Variants in APAF1 observed in about 807,000 individuals in gnomAD.
APAF1 encodes the protein apoptotic peptidase activating factor 1, also known as apoptotic protease-activating factor 1.
APAF1 carries 91 observed loss-of-function variants against 152.4 expected under a neutral mutation model. The ratio of observed to expected loss-of-function variants is 0.60; its 90% CI spans 0.50 to 0.71. The LOEUF (loss-of-function observed/expected upper bound fraction) is 0.71, where lower values mean the gene tolerates loss of function less well. Among genes scored for constraint, APAF1 ranks in the 30% least tolerant of loss-of-function variants. The pLI is 0.00. For missense variants in APAF1, 1,283 were observed against 1,472.0 expected, an observed-to-expected ratio of 0.87 and a Z score of 2.10; for synonymous variants, 484 against 494.1, an observed-to-expected ratio of 0.98 and a Z score of 0.27.
At position 98,666,199 on chromosome 12, in the gene APAF1, A is replaced by G. The variant is rs766131635; in HGVS notation, c.1204A>G (p.Ile402Val). 3 of 1,613,846 alleles carry G rather than the reference A, an allele frequency of 1.9e-6. No homozygotes were observed. Among genetic ancestry groups the G allele is most frequent in the Non-Finnish European group, 8.5e-7 (1 of 1,179,822 alleles). ...DVKVPTKVLCILWDMETEEVE... is the reference protein window; with the variant it reads ...DVKVPTKVLCVLWDMETEEVE... ...TTACAACAATTCCTAGGTGTTATGT[A>G]TTCTCTGGGACATGGAAACTGAAGA... Residue 402 changes from isoleucine to valine, a missense_variant, in exon 9 of 27, where the codon ATT becomes GTT. Coordinates refer to ENST00000551964, the MANE Select transcript of APAF1 (RefSeq NM_181861.2).
At chr12:98,725,341 G>T in intron 24 of APAF1, 74 bp from the exon 25 acceptor site, 1 of 1,581,964 alleles carries the variant, frequency 6.3e-7, no homozygotes, top group Non-Finnish European at 8.7e-7. Context: ...TGAATTTATG[G>T]CTGAATAGCA....
intron 22 of APAF1, among the ~76,000 whole-genome samples, chr12:98,720,982 A>G (rs12316526): frequency 0.038 from 5,857 of 152,300 alleles, 345 homozygotes; most frequent in African/African-American, 0.13. Flanking sequence ...AAAAGAAAAA[A>G]AAAATTTCCT....
chr12:98,670,317 T>C (rs1042925814), intron 10 of APAF1, among the ~76,000 whole-genome samples: 1 of 152,212 alleles, frequency 6.6e-6, no homozygotes, highest in African/African-American at 2.4e-5. Flanking sequence ...TTTCTTGTTC[T>C]CCTTTGATTA....
At chr12:98,688,547 C>G (rs2097700512) in intron 16 of APAF1, among the ~76,000 whole-genome samples, 1 of 147,334 alleles carries the variant, frequency 6.8e-6, no homozygotes, top group Non-Finnish European at 1.5e-5. Context: ...TCATGGCTCA[C>G]TGCAGCCTTC....
intron 18 of APAF1, 103 bp from the exon 19 acceptor site, chr12:98,706,382 C>T (rs903034982): frequency 8.2e-6 from 9 of 1,101,466 alleles, no homozygotes; most frequent in Non-Finnish European, 1.3e-5. Context: ...GAGCAATATT[C>T]ATTGAAGTGG....
chr12:98,700,011 A>T (rs2097713691), intron 17 of APAF1, among the ~76,000 whole-genome samples: 2 of 152,140 alleles, frequency 1.3e-5, no homozygotes, highest in Non-Finnish European at 2.9e-5. Context: ...TGATTTGATG[A>T]CTCTGACAGA....
Position 98,708,702 on chromosome 12 carries a change from C to T in APAF1, c.2839C>T (p.Gln947Ter). The change falls in exon 20 of 27, where the codon CAA (glutamine) becomes TAA (stop). Residue 947 changes from glutamine (Q) to a stop codon, truncating the protein, a stop_gained and splice_region_variant. Transcript: ENST00000551964. LOFTEE classifies it high-confidence loss of function. ...TGCAGTTGACCATATAAGACGTCTG[C>T]AAGTGAGTATTTTTTAGAAAACAAT... The part of the protein sequence containing the change: ...VLAVDHIRRL[Q>*]LINGRTGQID... The T allele has an allele frequency of 6.2e-7, 1 of 1,612,542 alleles. No homozygotes were observed. Among genetic ancestry groups the T allele is most frequent in the Non-Finnish European group, 8.5e-7 (1 of 1,179,328 alleles).
intron 11 of APAF1, 73 bp downstream of exon 11, chr12:98,671,159 A>T (rs1041135057): frequency 1.1e-6 from 1 of 950,034 alleles, no homozygotes; most frequent in Non-Finnish European, 1.7e-6. Context: ...TCTAGATTTA[A>T]TGATGGGAAT....
intron 19 of APAF1, 48 bp downstream of exon 19, chr12:98,706,658 T>TAA: frequency 6.2e-7 from 1 of 1,608,802 alleles, no homozygotes; most frequent in Non-Finnish European, 8.5e-7. Context: ...GATGGTGAGC[T>TAA]AAACCTCCTA....
At position 98,703,357 on chromosome 12, in the gene APAF1, A is replaced by G. The variant is rs1212588015; in HGVS notation, c.2467-14A>G. 3 of 1,613,874 alleles carry G rather than the reference A, an allele frequency of 1.9e-6. No individual in the cohort carries two copies. The highest frequency in any genetic ancestry group is 2.2e-5 in the East Asian group (1 of 44,858). On this transcript the variant is annotated splice_polypyrimidine_tract_variant and intron_variant, in intron 17 of 26. Transcript: ENST00000551964. ...GTATTTTACCTTCATAGGTATCTCT[A>G]TTTATGTTGACAGCTTTTTGACATT...
At chr12:98,661,343 A>G (rs1481202113) in intron 5 of APAF1, among the ~76,000 whole-genome samples, 1 of 152,196 alleles carries the variant, frequency 6.6e-6, no homozygotes, top group African/African-American at 2.4e-5. Flanking sequence ...GAGTAAAATA[A>G]TGTAGCCACT....
In APAF1 at chr12:98,670,973, G is replaced by C. The variant is rs2097679415; in HGVS notation, c.1495G>C (p.Glu499Gln). The change falls in exon 11 of 27, where the codon GAA becomes CAA. Residue 499 changes from glutamate to glutamine, a missense_variant and splice_region_variant. Physicochemically the swap from Glu to Gln is conservative, Grantham distance 29. Coordinates refer to ENST00000551964, the MANE Select transcript of APAF1 (RefSeq NM_181861.2). ...YHMASAKMHK[E>Q]LCALMFSLDW... The stretch of plus-strand genomic sequence containing the variant: ...TGATACTACTTTTTGTTTTTTAAAG[G>C]AACTTTGTGCTTTAATGTTTTCCCT... 6.2e-7 allele frequency: 1 copy of C among 1,609,050 alleles called. No individual in the cohort carries two copies. The highest frequency in any genetic ancestry group is 8.5e-7 in the Non-Finnish European group (1 of 1,176,054).
intron 20 of APAF1, among the ~76,000 whole-genome samples, chr12:98,710,139 G>T (rs946450722): frequency 1.3e-5 from 2 of 150,516 alleles, no homozygotes; most frequent in African/African-American, 4.9e-5. Flanking sequence ...CTCCCAAAGA[G>T]CTGGGATTAT....
chr12:98,722,325 TTTG>T (rs1181473311), intron 22 of APAF1, among the ~76,000 whole-genome samples: 1 of 152,084 alleles, frequency 6.6e-6, no homozygotes, highest in South Asian at 2.1e-4. Flanking sequence ...ACTTTTTGGG[TTTG>T]TTGTTGTATT....
chr12:98,724,927 A>G (rs1208768432), intron 24 of APAF1, among the ~76,000 whole-genome samples: 1 of 152,364 alleles, frequency 6.6e-6, no homozygotes, highest in African/African-American at 2.4e-5. Flanking sequence ...GCCAAGAAGT[A>G]GGCTAGTATA....
intron 19 of APAF1, among the ~76,000 whole-genome samples, chr12:98,707,411 C>T (rs2097722594): frequency 6.6e-6 from 1 of 152,158 alleles, no homozygotes; most frequent in Non-Finnish European, 1.5e-5. Context: ...CTCAAGTCTT[C>T]TCTATTTGGG....
intron 17 of APAF1, among the ~76,000 whole-genome samples, chr12:98,700,042 C>T (rs2097713739): frequency 1.3e-5 from 2 of 151,952 alleles, no homozygotes; most frequent in Non-Finnish European, 2.9e-5. Context: ...AATGACTGAA[C>T]AAGATAGTGA....
intron 5 of APAF1, among the ~76,000 whole-genome samples, chr12:98,659,718 C>CTCTA (rs969745772): frequency 1.5e-5 from 2 of 130,522 alleles, no homozygotes; most frequent in South Asian, 2.6e-4. Flanking sequence ...TGCCATTGCA[C>CTCTA]TCTAGCCTGG....
Position 98,732,701 on chromosome 12 carries a change from G to A in APAF1, c.*135G>A. ...TTGCATTCATTACAAAAGTGTTTGT[G>A]GTTGGATGAATAATATTAATGTAGC... On this transcript the variant is annotated 3_prime_UTR_variant, in exon 27 of 27. Transcript: ENST00000551964. 2 of 637,648 alleles carry A rather than the reference G, an allele frequency of 3.1e-6. No homozygotes were observed. The highest frequency in any genetic ancestry group is 5.4e-6 in the Non-Finnish European group (2 of 370,876). The allele number at this position is 637,648 out of a possible 1,614,324, so 39.5% of individuals were successfully genotyped here. A position where few individuals can be genotyped will look rare whatever the true frequency, so the allele number is the denominator to read the frequency against.
Sources: gnomAD v4.1 joint callset for allele counts (sites outside exome capture counted in the v4.1 genomes callset) on GRCh38, gnomAD v4.1.1 for gene constraint, MANE v1.5 for transcripts, NCBI Gene and HGNC (gene_info 2026-07-23, HGNC 2026-07-21) for gene names.